The following FAM53B variants were observed in gnomAD, a reference collection of about 807,000 sequenced individuals.
FAM53B encodes the protein protein FAM53B.
In FAM53B, 12 loss-of-function variants were observed where a neutral mutation model predicts 32.7. The ratio of observed to expected loss-of-function variants is 0.37; its 90% CI spans 0.24 to 0.59. The LOEUF (loss-of-function observed/expected upper bound fraction) is 0.59. FAM53B is among the 20% of genes least tolerant of loss of function. The pLI is 0.72. For synonymous variants in FAM53B, 234 were observed against 228.7 expected, an observed-to-expected ratio of 1.02 and a Z score of -0.21; for missense variants, 477 against 577.7, an observed-to-expected ratio of 0.83 and a Z score of 1.79.
intron 4 of FAM53B, among the ~76,000 whole-genome samples, chr10:124,640,219 C>T (rs1949461540): frequency 6.6e-6 from 1 of 152,232 alleles, no homozygotes; most frequent in Non-Finnish European, 1.5e-5. Flanking sequence ...CTCAGGTGCA[C>T]CCCGTGGGCT....
intron 4 of FAM53B, among the ~76,000 whole-genome samples, chr10:124,679,825 A>C (rs1286594760): frequency 6.6e-6 from 1 of 152,262 alleles, no homozygotes; most frequent in Admixed American, 6.5e-5. Flanking sequence ...TGTATTTTTA[A>C]ATAGTTTCTA....
chr10:124,687,783 G>A (rs932186752), intron 3 of FAM53B, among the ~76,000 whole-genome samples: 21 of 152,268 alleles, frequency 1.4e-4, no homozygotes, highest in African/African-American at 4.8e-4. Flanking sequence ...AAGCTCCCCA[G>A]GTTATTTCAA....
intron 1 of FAM53B, among the ~76,000 whole-genome samples, chr10:124,728,185 A>G (rs879635915): frequency 6.6e-5 from 10 of 152,190 alleles, no homozygotes; most frequent in Non-Finnish European, 1.2e-4. Flanking sequence ...AGGCCTGAAA[A>G]TGCCTAGACA....
intron 1 of FAM53B, among the ~76,000 whole-genome samples, chr10:124,709,204 G>A (rs951854073): frequency 6.6e-6 from 1 of 152,258 alleles, no homozygotes; most frequent in African/African-American, 2.4e-5. Context: ...ACAAGGGCCT[G>A]GCTATATGAT....
chr10:124,660,320 C>T (rs1166904456), intron 4 of FAM53B, among the ~76,000 whole-genome samples: 1 of 152,224 alleles, frequency 6.6e-6, no homozygotes, highest in African/African-American at 2.4e-5. Flanking sequence ...CAACACAAGA[C>T]AGCTTGGAAA....
intron 4 of FAM53B, among the ~76,000 whole-genome samples, chr10:124,657,854 C>T (rs1246287590): frequency 3.3e-5 from 5 of 152,210 alleles, no homozygotes; most frequent in African/African-American, 1.2e-4. Context: ...TGCTCAAAGT[C>T]CCACAGCTAG....
chr10:124,658,399 C>A (rs544543782), intron 4 of FAM53B, among the ~76,000 whole-genome samples: 2 of 152,208 alleles, frequency 1.3e-5, no homozygotes, highest in Non-Finnish European at 2.9e-5. Context: ...TTGCCACATC[C>A]CTACCCTGGT....
At chr10:124,637,868 A>G (rs975411487) in intron 4 of FAM53B, among the ~76,000 whole-genome samples, 1 of 152,144 alleles carries the variant, frequency 6.6e-6, no homozygotes, top group Admixed American at 6.5e-5. Flanking sequence ...CAGCCACCCC[A>G]GCCCTATCAA....
chr10:124,641,355 T>C (rs1178842974), intron 4 of FAM53B, among the ~76,000 whole-genome samples: 1 of 152,196 alleles, frequency 6.6e-6, no homozygotes, highest in Non-Finnish European at 1.5e-5. Flanking sequence ...GTGAGAACAC[T>C]ACCCCAAGAC....
intron 4 of FAM53B, among the ~76,000 whole-genome samples, chr10:124,638,398 A>C (rs2134042845): frequency 6.6e-6 from 1 of 151,802 alleles, no homozygotes; most frequent in South Asian, 2.1e-4. Context: ...ACAAAACAAA[A>C]CACTGGGACC....
chr10:124,627,711 C>T (rs1949364068), intron 4 of FAM53B, among the ~76,000 whole-genome samples: 1 of 152,214 alleles, frequency 6.6e-6, no homozygotes, highest in Admixed American at 6.5e-5. Flanking sequence ...GAGGCCCTGC[C>T]TTTTCCATCA....
intron 4 of FAM53B, among the ~76,000 whole-genome samples, chr10:124,630,482 A>ACC: frequency 6.6e-6 from 1 of 152,276 alleles, no homozygotes; most frequent in East Asian, 1.9e-4. Context: ...CCACCTTTGG[A>ACC]CCCCAAAGAG....
At chr10:124,649,052 C>G (rs550489629) in intron 4 of FAM53B, among the ~76,000 whole-genome samples, 1 of 152,344 alleles carries the variant, frequency 6.6e-6, no homozygotes, top group African/African-American at 2.4e-5. Flanking sequence ...AGTGGAAGGC[C>G]AGGTCTGGTC....
chr10:124,727,229 G>A (rs2134099310), intron 1 of FAM53B, among the ~76,000 whole-genome samples: 2 of 150,916 alleles, frequency 1.3e-5, no homozygotes, highest in East Asian at 3.9e-4. Context: ...CGTTGACTAG[G>A]CTGGTCTCAA....
chr10:124,678,328 C>G (rs1052960262), intron 4 of FAM53B, among the ~76,000 whole-genome samples: 17 of 152,344 alleles, frequency 1.1e-4, no homozygotes, highest in African/African-American at 4.1e-4. Flanking sequence ...GATACACACA[C>G]ACGCATATCA....
chr10:124,629,588 C>T lies in FAM53B; in HGVS notation c.907-5984G>A, dbSNP rs534293204. Among the ~76,000 whole-genome samples the T allele has an allele frequency of 8.1e-4, 124 of 152,270 alleles. 1 individual carries two copies. Among genetic ancestry groups the T allele is most frequent in the African/African-American group, 2.7e-3 (113 of 41,568 alleles). On this transcript the variant is annotated intron_variant, in intron 4 of 4. Coordinates refer to ENST00000337318, the MANE Select transcript of FAM53B (RefSeq NM_014661.4). ...GGGCCCCAGGCTCTGGCTGAGTGGACGCATTTCCTCCCCAAACAGACGCTT... is the reference window on the plus strand; with the variant it reads ...GGGCCCCAGGCTCTGGCTGAGTGGATGCATTTCCTCCCCAAACAGACGCTT...
In FAM53B at chr10:124,744,121, G is replaced by C. The variant is rs933488497; in HGVS notation, c.-283C>G. ...TCCGCCGCGCGCACGCTCGCCTGCC[G>C]GCGCCGAGCGCTTTGTACGAGCGAC... On this transcript the variant is annotated 5_prime_UTR_variant, in exon 1 of 5. Coordinates refer to ENST00000337318, the MANE Select transcript of FAM53B (RefSeq NM_014661.4). 8 of 147,144 alleles carry C rather than the reference G, an allele frequency of 5.4e-5. No individual in the cohort carries two copies. Among genetic ancestry groups the C allele is most frequent in the African/African-American group, 2.0e-4 (8 of 40,978 alleles). 9.1% of individuals were successfully genotyped at this position (147,144 alleles called of 1,614,324 possible). A position where few individuals can be genotyped will look rare whatever the true frequency, so the allele number is the denominator to read the frequency against.
chr10:124,699,567 A>G (rs78491302), intron 2 of FAM53B, among the ~76,000 whole-genome samples: 8,836 of 152,306 alleles, frequency 0.058, 827 homozygotes, highest in African/African-American at 0.2. Flanking sequence ...CACCCCGGGC[A>G]AGCCACTGCT....
At chr10:124,683,884 A>G (rs927170342) in intron 3 of FAM53B, among the ~76,000 whole-genome samples, 15 of 152,366 alleles carry the variant, frequency 9.8e-5, no homozygotes, top group Middle Eastern at 3.4e-3. Context: ...AAAGGGCACC[A>G]AGAGACATAC....
Sources: gnomAD v4.1 joint callset for allele counts (sites outside exome capture counted in the v4.1 genomes callset) on GRCh38, gnomAD v4.1.1 for gene constraint, MANE v1.5 for transcripts, NCBI Gene and HGNC (gene_info 2026-07-23, HGNC 2026-07-21) for gene names.